OSBPL10: variants seen among roughly 807,000 people sequenced by gnomAD.
OSBPL10 encodes oxysterol binding protein like 10.
OSBPL10 carries 49 observed loss-of-function variants against 81.7 expected under a neutral mutation model. The observed-to-expected ratio is 0.60, with a 90% confidence interval of 0.48 to 0.76. The LOEUF is 0.76. Among genes scored for constraint, OSBPL10 ranks in the 30% least tolerant of loss-of-function variants. The pLI is 0.00. For missense variants in OSBPL10, 923 were observed against 987.8 expected (o/e 0.93, Z 0.88); for synonymous variants, 419 against 383.6 (o/e 1.09, Z -1.08).
chr3:31,855,995 ACCATTTTGTTTTTT>A (rs1700902020), intron 3 of OSBPL10, among the ~76,000 whole-genome samples: 1 of 151,606 alleles, frequency 6.6e-6, no homozygotes, highest in South Asian at 2.1e-4. Flanking sequence ...TCAAAACTGT[ACCATTTTGTTTTTT>A]CCTAAAAATA....
intron 7 of OSBPL10, among the ~76,000 whole-genome samples, chr3:31,689,836 CTTCCCAGTCTCAGGTATGTCTTTTA>C (rs1160504409): frequency 6.6e-6 from 1 of 152,100 alleles, no homozygotes. Flanking sequence ...ACCTCTTTTT[CTTCCCAGTCTCAGGTATGTCTTTTA>C]TTAGCAGCAT....
chr3:32,074,063 A>G (rs1366554251), intron 1 of OSBPL10, among the ~76,000 whole-genome samples: 1 of 151,986 alleles, frequency 6.6e-6, no homozygotes, highest in Non-Finnish European at 1.5e-5. Flanking sequence ...TTGGCTATGC[A>G]TTTCCCTTTC....
Position 31,766,329 on chromosome 3 carries a change from G to GTTTTTTTTTTTTTTTTTTTTTT in OSBPL10, c.730-18210_730-18209insAAAAAAAAAAAAAAAAAAAAAA. 8.9e-5 allele frequency among the ~76,000 whole-genome samples: 2 copies of GTTTTTTTTTTTTTTTTTTTTTT among 22,578 alleles called. 1 individual carries two copies. Among genetic ancestry groups the GTTTTTTTTTTTTTTTTTTTTTT allele is most frequent in the African/African-American group, 1.5e-4 (2 of 12,940 alleles). The allele number at this position is 22,578 out of a possible 152,430, so 14.8% of individuals were successfully genotyped here. On this transcript the variant is annotated intron_variant, in intron 4 of 11. Transcript: ENST00000396556. ...ATGTTTGGCCCAATGTAGTTTTTTT[G>GTTTTTTTTTTTTTTTTTTTTTT]TTTTTTTGTTTTTTTTTGTTTTTTT...
chr3:31,673,150 C>G (rs1051066217), intron 8 of OSBPL10, among the ~76,000 whole-genome samples: 4 of 152,024 alleles, frequency 2.6e-5, no homozygotes, highest in African/African-American at 9.7e-5. Context: ...TCCCAGATGA[C>G]CCTGGAGGCC....
chr3:32,024,499 T>TTC (rs1275188272), intron 2 of OSBPL10, among the ~76,000 whole-genome samples: 5 of 149,194 alleles, frequency 3.4e-5, no homozygotes, highest in African/African-American at 1.2e-4. Context: ...TTTTTTTTTT[T>TTC]TTTTTTTTGA....
rs1700255037 is a variant in OSBPL10, at chr3:31,668,692, C to T, written c.2046G>A (p.Val682=). The change falls in exon 10 of 12, where the codon GTG becomes GTA. Residue 682 remains valine, a synonymous_variant. Transcript: ENST00000396556. ...TKVIDTTTLP[V]YPKKIRPLEK... ...CAAGAGGTCTGATCTTCTTGGGATA[C>T]ACTGGCAGTGTGGTTGTGTCGATGA... 1.2e-6 allele frequency: 2 copies of T among 1,614,094 alleles called. No individual in the cohort carries two copies. Among genetic ancestry groups the T allele is most frequent in the Admixed American group, 1.7e-5 (1 of 60,010 alleles).
At chr3:31,955,234 C>A (rs1464810255) in intron 1 of OSBPL10, among the ~76,000 whole-genome samples, 2 of 152,214 alleles carry the variant, frequency 1.3e-5, no homozygotes, top group African/African-American at 4.8e-5. Context: ...CACTACTATA[C>A]ACCAGAGGTA....
intron 4 of OSBPL10, among the ~76,000 whole-genome samples, chr3:31,770,092 T>C (rs1380775316): frequency 1.3e-5 from 2 of 152,010 alleles, no homozygotes; most frequent in Non-Finnish European, 2.9e-5. Context: ...AAGCAATCAA[T>C]AAAAAAACCA....
At chr3:31,783,826 A>ATG (rs1559463359) in intron 4 of OSBPL10, among the ~76,000 whole-genome samples, 4 of 51,280 alleles carry the variant, frequency 7.8e-5, no homozygotes, top group African/African-American at 3.4e-4. Context: ...AAAAAAAAAT[A>ATG]TATATATATA....
intron 3 of OSBPL10, among the ~76,000 whole-genome samples, chr3:31,861,184 T>C (rs1701049450): frequency 6.6e-6 from 1 of 152,168 alleles, no homozygotes; most frequent in South Asian, 2.1e-4. Context: ...TTGGGTCAGT[T>C]TGGGGGTCAT....
chr3:31,934,688 G>GA (rs113331747), intron 1 of OSBPL10, among the ~76,000 whole-genome samples: 46,086 of 149,032 alleles, frequency 0.31, 7,240 homozygotes, highest in African/African-American at 0.37. Context: ...CATTTTTATA[G>GA]AAAAAAAAAG....
chr3:31,984,078 C>T (rs1308832732), upstream of OSBPL10, among the ~76,000 whole-genome samples: 1 of 152,054 alleles, frequency 6.6e-6, no homozygotes, highest in Non-Finnish European at 1.5e-5. Flanking sequence ...CGCTCTGTCA[C>T]CCAGGCTGGA....
intron 2 of OSBPL10, among the ~76,000 whole-genome samples, chr3:31,877,439 A>G (rs1701505083): frequency 6.6e-6 from 1 of 152,214 alleles, no homozygotes; most frequent in Non-Finnish European, 1.5e-5. Context: ...TCTATAACCT[A>G]TCTCTCAAAT....
intron 2 of OSBPL10, among the ~76,000 whole-genome samples, chr3:32,034,293 T>G (rs72855559): frequency 0.018 from 2,760 of 151,854 alleles, 80 homozygotes; most frequent in African/African-American, 0.06. Flanking sequence ...ATAAAAAGAT[T>G]AGCCAGGTAT....
intron 4 of OSBPL10, among the ~76,000 whole-genome samples, chr3:31,784,614 G>A (rs915191876): frequency 1.8e-4 from 28 of 152,012 alleles, no homozygotes; most frequent in Non-Finnish European, 2.6e-4. Flanking sequence ...ACAAGGTCTC[G>A]CTTTGTCACC....
At chr3:31,976,832 A>G (rs1698705111) in intron 1 of OSBPL10, among the ~76,000 whole-genome samples, 1 of 152,134 alleles carries the variant, frequency 6.6e-6, no homozygotes, top group African/African-American at 2.4e-5. Flanking sequence ...GCCAATCACC[A>G]AAAAAAGAAT....
intron 3 of OSBPL10, among the ~76,000 whole-genome samples, chr3:31,847,015 C>T (rs1028039412): frequency 2.3e-4 from 35 of 152,068 alleles, no homozygotes; most frequent in African/African-American, 8.5e-4. Context: ...AGAAGAATCA[C>T]AAATGTCCAC....
Position 31,688,283 on chromosome 3 carries a change from T to TCTCACACACA in OSBPL10, c.1246-4170_1246-4169insTGTGTGTGAG, listed in dbSNP as rs1246299416. 6.4e-3 allele frequency among the ~76,000 whole-genome samples: 742 copies of TCTCACACACA among 115,456 alleles called. 6 individuals are homozygous for TCTCACACACA. The highest frequency in any genetic ancestry group is 7.9e-3 in the Non-Finnish European group (451 of 56,804). The allele number at this position is 115,456 out of a possible 152,430, so 75.7% of individuals were successfully genotyped here. On this transcript the variant is annotated intron_variant, in intron 7 of 11. Coordinates refer to ENST00000396556, the MANE Select transcript of OSBPL10 (RefSeq NM_017784.5). ...CTGCACAAATCTCTCTCTCTCTCTC[T>TCTCACACACA]CACACACACACACACACACACACAC... is the stretch of plus-strand genomic sequence containing the variant.
At chr3:31,962,277 C>G (rs12489744) in intron 1 of OSBPL10, among the ~76,000 whole-genome samples, 1 of 151,976 alleles carries the variant, frequency 6.6e-6, no homozygotes, top group African/African-American at 2.4e-5. Context: ...ATTTTGGATT[C>G]GAGGTCCTGT....
Sources: allele counts gnomAD v4.1 joint callset (sites outside exome capture counted in the v4.1 genomes callset), GRCh38; gene constraint gnomAD v4.1.1; transcripts MANE v1.5; gene names NCBI Gene and HGNC (gene_info 2026-07-23, HGNC 2026-07-21).